Variants in MAPK8 observed in about 807,000 individuals in gnomAD.
The protein encoded by MAPK8 is JUN N-terminal kinase.
Under a neutral mutation model 52.9 loss-of-function variants are expected in MAPK8, and 13 were observed. The observed-to-expected ratio is 0.25, with a 90% CI of 0.16 to 0.39. The LOEUF is 0.39. Among genes scored for constraint, MAPK8 ranks in the 10% least tolerant of loss-of-function variants. MAPK8 has a pLI of 1.00. For missense variants in MAPK8, 300 were observed against 519.2 expected (o/e 0.58, Z 4.10); for synonymous variants, 191 against 169.8 (o/e 1.12, Z -0.97).
chr10:48,388,703 A>T (rs1276740229), intron 1 of MAPK8, among the ~76,000 whole-genome samples: 1 of 152,196 alleles, frequency 6.6e-6, no homozygotes, highest in African/African-American at 2.4e-5. Context: ...TAATATGCCC[A>T]GGTGAGAATG....
chr10:48,373,455 C>T (rs947287916), intron 1 of MAPK8, among the ~76,000 whole-genome samples: 2 of 150,358 alleles, frequency 1.3e-5, no homozygotes, highest in Non-Finnish European at 3.0e-5. Flanking sequence ...CTGGCAAATT[C>T]GTTAAAGAGT....
chr10:48,335,934 A>G (rs1390179593), intron 1 of MAPK8, among the ~76,000 whole-genome samples: 1 of 152,182 alleles, frequency 6.6e-6, no homozygotes, highest in Non-Finnish European at 1.5e-5. Context: ...TGTTTTGCCC[A>G]TTTATAAGTT....
chr10:48,367,326 C>T (rs557771995), intron 1 of MAPK8, among the ~76,000 whole-genome samples: 6 of 151,580 alleles, frequency 4.0e-5, no homozygotes, highest in South Asian at 4.2e-4. Context: ...ATGCTTGTGC[C>T]GTTGCATTCC....
At chr10:48,316,184 A>G (rs555535545) in intron 1 of MAPK8, among the ~76,000 whole-genome samples, 1 of 152,352 alleles carries the variant, frequency 6.6e-6, no homozygotes, top group South Asian at 2.1e-4. Flanking sequence ...TACAGACCAC[A>G]TATGTGACAG....
At chr10:48,392,585 G>A (rs1364991216) in intron 1 of MAPK8, among the ~76,000 whole-genome samples, 6 of 151,760 alleles carry the variant, frequency 4.0e-5, no homozygotes, top group African/African-American at 1.2e-4. Flanking sequence ...CATGTGCTCT[G>A]GATCCCATTC....
At chr10:48,390,094 A>C (rs781664827) in intron 1 of MAPK8, among the ~76,000 whole-genome samples, 3 of 152,114 alleles carry the variant, frequency 2.0e-5, no homozygotes, top group Non-Finnish European at 4.4e-5. Context: ...AGATCTAGGA[A>C]GAGCTGATGT....
At chr10:48,402,189 A>G (rs1158786326) in intron 2 of MAPK8, among the ~76,000 whole-genome samples, 1 of 152,306 alleles carries the variant, frequency 6.6e-6, no homozygotes, top group East Asian at 1.9e-4. Context: ...CATAAGATAC[A>G]ACTCTATAAA....
chr10:48,383,343 CAGA>C lies in MAPK8; in HGVS notation c.-49-18262_-49-18260del, dbSNP rs1161263239. 5.3e-5 allele frequency among the ~76,000 whole-genome samples: 8 copies of C among 151,906 alleles called. No homozygotes were observed. The South Asian group carries it at 8.3e-4, about 16-fold the overall frequency. On this transcript the variant is annotated intron_variant, in intron 1 of 11. Transcript: ENST00000374189. ...CTCTAGGGTTTCAGCTGATGGCAGA[CAGA>C]AGAAGACAGGAAATCAAAAGCTGTT...
chr10:48,427,977 T>C (rs545833924), intron 10 of MAPK8, among the ~76,000 whole-genome samples: 3 of 152,190 alleles, frequency 2.0e-5, no homozygotes, highest in South Asian at 2.1e-4. Context: ...TGTTCACATA[T>C]GAGAACATGC....
chr10:48,410,449 G>A (rs945101809), intron 5 of MAPK8: 1 of 270,692 alleles, frequency 3.7e-6, no homozygotes, highest in Middle Eastern at 1.0e-3. Context: ...ATGTTTTCAA[G>A]ATTTCTCCAT....
intron 10 of MAPK8, among the ~76,000 whole-genome samples, chr10:48,428,107 C>T (rs1302574880): frequency 1.3e-5 from 2 of 152,214 alleles, no homozygotes; most frequent in Non-Finnish European, 2.9e-5. Flanking sequence ...ATAGGAGTCT[C>T]TCTTTGCCCT....
chr10:48,327,600 A>G (rs1472597216), intron 1 of MAPK8, among the ~76,000 whole-genome samples: 1 of 152,216 alleles, frequency 6.6e-6, no homozygotes, highest in East Asian at 1.9e-4. Context: ...CTCTTTTAGA[A>G]TAAGTCAGGA....
At chr10:48,338,592 AAAG>A (rs1268957397) in intron 1 of MAPK8, among the ~76,000 whole-genome samples, 3 of 152,108 alleles carry the variant, frequency 2.0e-5, no homozygotes, top group Non-Finnish European at 4.4e-5. Context: ...CAATCAGACA[AAAG>A]AAATAAAAGA....
intron 1 of MAPK8, among the ~76,000 whole-genome samples, chr10:48,338,875 C>T (rs1379801612): frequency 2.0e-5 from 3 of 151,542 alleles, no homozygotes; most frequent in African/African-American, 7.3e-5. Context: ...TTACATTTAA[C>T]CAAGGAAGGG....
intron 1 of MAPK8, among the ~76,000 whole-genome samples, chr10:48,353,268 C>T (rs1367599628): frequency 6.6e-6 from 1 of 152,054 alleles, no homozygotes; most frequent in Non-Finnish European, 1.5e-5. Flanking sequence ...ACAGAAGAAC[C>T]AGAGTAGCTA....
intron 1 of MAPK8, among the ~76,000 whole-genome samples, chr10:48,391,664 C>T (rs1296212396): frequency 6.6e-6 from 1 of 152,168 alleles, no homozygotes; most frequent in Non-Finnish European, 1.5e-5. Flanking sequence ...TGCTAAGTGT[C>T]TTCCAATTCC....
chr10:48,315,625 G>C (rs1423392112), intron 1 of MAPK8, among the ~76,000 whole-genome samples: 2 of 148,280 alleles, frequency 1.3e-5, no homozygotes, highest in African/African-American at 4.9e-5. Flanking sequence ...GCTGGAAATG[G>C]CATCTTTTTT....
At chr10:48,339,948 G>C (rs1455070980) in intron 1 of MAPK8, among the ~76,000 whole-genome samples, 1 of 152,144 alleles carries the variant, frequency 6.6e-6, no homozygotes, top group Non-Finnish European at 1.5e-5. Flanking sequence ...ACACGCTGTT[G>C]GTGGGAATGT....
intron 1 of MAPK8, among the ~76,000 whole-genome samples, chr10:48,361,113 G>A (rs1031357060): frequency 6.6e-6 from 1 of 152,072 alleles, no homozygotes; most frequent in Non-Finnish European, 1.5e-5. Flanking sequence ...TTAATATTAT[G>A]GAAACAGCAT....
Sources: allele counts gnomAD v4.1 joint callset (sites outside exome capture counted in the v4.1 genomes callset), GRCh38; gene constraint gnomAD v4.1.1; transcripts MANE v1.5; gene names NCBI Gene and HGNC (gene_info 2026-07-23, HGNC 2026-07-21).